The following RBFOX1 variants were observed in gnomAD, a reference collection of about 807,000 sequenced individuals.
RBFOX1 encodes the protein RNA binding protein fox-1 homolog 1.
Under a neutral mutation model 57.7 loss-of-function variants are expected in RBFOX1, and 8 were observed. That is an observed-to-expected ratio of 0.14 (90% CI 0.08 to 0.25). RBFOX1 has a LOEUF of 0.25. RBFOX1 is among the 10% of genes least tolerant of loss of function. The pLI, the probability that RBFOX1 is intolerant of heterozygous loss-of-function variation, is 1.00. For missense variants in RBFOX1, 611 were observed against 548.5 expected (o/e 1.11, Z -1.14); for synonymous variants, 326 against 222.4 (o/e 1.47, Z -4.15).
intron 1 of RBFOX1, among the ~76,000 whole-genome samples, chr16:6,269,820 A>G (rs1304628382): frequency 6.6e-6 from 1 of 152,228 alleles, no homozygotes; most frequent in Non-Finnish European, 1.5e-5. Flanking sequence ...AGCCATTAAT[A>G]TGATAAATTT....
At chr16:6,119,115 A>G (rs1304337081) in intron 1 of RBFOX1, among the ~76,000 whole-genome samples, 2 of 151,666 alleles carry the variant, frequency 1.3e-5, no homozygotes, top group Admixed American at 6.6e-5. Flanking sequence ...CAGTTTCCAC[A>G]TAGGTTTTAC....
At chr16:6,693,405 A>G (rs1416946571) in intron 3 of RBFOX1, among the ~76,000 whole-genome samples, 1 of 149,802 alleles carries the variant, frequency 6.7e-6, no homozygotes, top group African/African-American at 2.5e-5. Flanking sequence ...ATCCCCATCC[A>G]CTACCATCAC....
intron 3 of RBFOX1, among the ~76,000 whole-genome samples, chr16:6,878,233 T>C (rs888862950): frequency 1.1e-4 from 16 of 152,188 alleles, no homozygotes; most frequent in Non-Finnish European, 1.9e-4. Context: ...TTCCGTTTCT[T>C]CCCTGCTGAG....
intron 2 of RBFOX1, among the ~76,000 whole-genome samples, chr16:6,438,445 T>C (rs2094294444): frequency 6.6e-6 from 1 of 152,198 alleles, no homozygotes; most frequent in East Asian, 1.9e-4. Flanking sequence ...TCCTGTAGCC[T>C]CTTGGTTTCA....
intron 1 of RBFOX1, among the ~76,000 whole-genome samples, chr16:5,422,296 G>A (rs1247359030): frequency 7.0e-6 from 1 of 142,436 alleles, no homozygotes; most frequent in Non-Finnish European, 1.5e-5. Context: ...AGAAGGGAGG[G>A]AGAGGAGGAG....
intron 1 of RBFOX1, among the ~76,000 whole-genome samples, chr16:5,452,511 C>T (rs920138810): frequency 6.6e-6 from 1 of 152,172 alleles, no homozygotes; most frequent in Non-Finnish European, 1.5e-5. Context: ...TTCATTCCCA[C>T]TGCCTTTCGC....
At chr16:6,583,446 C>A (rs139596658) in intron 2 of RBFOX1, among the ~76,000 whole-genome samples, 19 of 152,328 alleles carry the variant, frequency 1.2e-4, no homozygotes, top group African/African-American at 4.1e-4. Context: ...TTTGGGGGAG[C>A]ATCTCACACT....
At chr16:6,977,328 TATG>T (rs896062284) in intron 3 of RBFOX1, among the ~76,000 whole-genome samples, 7 of 151,956 alleles carry the variant, frequency 4.6e-5, no homozygotes, top group Non-Finnish European at 1.0e-4. Context: ...GAATTGATAT[TATG>T]ATCTTTGAAG....
In RBFOX1 at chr16:7,103,502, A is replaced by G. The variant is rs1451448167; in HGVS notation, c.27+51404A>G. Among the ~76,000 whole-genome samples the G allele has an allele frequency of 7.9e-5, 12 of 152,278 alleles. 1 individual carries two copies. The South Asian group carries it at 1.5e-3, about 18-fold the overall frequency. On this transcript the variant is annotated intron_variant, in intron 4 of 15. Transcript: ENST00000550418. ...GAATTGGTATGAAAAGACGTTCACAATGTATTGGTATGTTAAGAGATGATC... is the reference window on the plus strand; with the variant it reads ...GAATTGGTATGAAAAGACGTTCACAGTGTATTGGTATGTTAAGAGATGATC...
chr16:7,510,215 C>G (rs756724983), intron 4 of RBFOX1: 43 of 985,900 alleles, frequency 4.4e-5, no homozygotes, highest in Non-Finnish European at 5.2e-5. Flanking sequence ...CACACCCTCG[C>G]TCGTAATTGA....
intron 3 of RBFOX1, among the ~76,000 whole-genome samples, chr16:7,010,929 A>G (rs1224096881): frequency 6.6e-6 from 1 of 152,180 alleles, no homozygotes; most frequent in East Asian, 1.9e-4. Flanking sequence ...TCTCCCACCA[A>G]AGTGAGTCTT....
intron 2 of RBFOX1, among the ~76,000 whole-genome samples, chr16:5,593,053 C>T (rs943533947): frequency 6.6e-5 from 10 of 152,146 alleles, no homozygotes; most frequent in African/African-American, 2.4e-4. Flanking sequence ...TCATAAAGAA[C>T]TTGCTTATAA....
At chr16:5,898,304 G>C (rs2058216561) in intron 4 of RBFOX1, among the ~76,000 whole-genome samples, 1 of 152,130 alleles carries the variant, frequency 6.6e-6, no homozygotes, top group South Asian at 2.1e-4. Flanking sequence ...GTTGAGATTT[G>C]GGTGGGGACA....
intron 9 of RBFOX1, among the ~76,000 whole-genome samples, chr16:7,599,101 A>G (rs956417249): frequency 6.6e-6 from 1 of 152,224 alleles, no homozygotes; most frequent in Non-Finnish European, 1.5e-5. Context: ...CATGCCCTTA[A>G]ATGGTATAGA....
chr16:5,974,965 G>A (rs1239036937), intron 4 of RBFOX1, among the ~76,000 whole-genome samples: 2 of 151,810 alleles, frequency 1.3e-5, no homozygotes, highest in Non-Finnish European at 1.5e-5. Flanking sequence ...CAGAGAACAC[G>A]CCTTTGCACT....
chr16:6,943,948 G>C (rs1344406541), intron 3 of RBFOX1, among the ~76,000 whole-genome samples: 1 of 152,068 alleles, frequency 6.6e-6, no homozygotes, highest in African/African-American at 2.4e-5. Context: ...GAGTCTCTCT[G>C]AATCTGCTGG....
At chr16:5,293,072 G>C (rs569330083) in intron 1 of RBFOX1, among the ~76,000 whole-genome samples, 130 of 152,118 alleles carry the variant, frequency 8.5e-4, no homozygotes, top group South Asian at 2.5e-3. Context: ...TGTAATGCCA[G>C]TACTTTGGGA....
In RBFOX1 at chr16:5,371,961, G is replaced by A. The variant is rs149321438; in HGVS notation, c.220-95255G>A. Among the ~76,000 whole-genome samples the A allele has an allele frequency of 7.7e-3, 1,167 of 152,178 alleles. 10 individuals are homozygous for A. The highest frequency in any genetic ancestry group is 0.012 in the Non-Finnish European group (839 of 67,988). ...CAGCAGTGAGGCTTTTTTTCATGCC[G>A]CGTTTTAATGGATGAAGTGGCAAAG... On this transcript the variant is annotated intron_variant, in intron 1 of 2. Coordinates refer to the RBFOX1 transcript ENST00000585867.
intron 3 of RBFOX1, among the ~76,000 whole-genome samples, chr16:5,732,359 G>A (rs1434964742): frequency 6.6e-6 from 1 of 152,116 alleles, no homozygotes; most frequent in Non-Finnish European, 1.5e-5. Flanking sequence ...AATGACTGCC[G>A]GACTGAAGAT....
Sources: allele counts gnomAD v4.1 joint callset (sites outside exome capture counted in the v4.1 genomes callset), GRCh38; gene constraint gnomAD v4.1.1; transcripts MANE v1.5; gene names NCBI Gene and HGNC (gene_info 2026-07-23, HGNC 2026-07-21).